The following GRIK4 variants were observed in gnomAD, a reference collection of about 807,000 sequenced individuals.
GRIK4 encodes the protein glutamate receptor ionotropic, kainate 4.
In GRIK4, 40 loss-of-function variants were observed where a neutral mutation model predicts 104.9. The ratio of observed to expected loss-of-function variants is 0.38; its 90% CI spans 0.30 to 0.50. GRIK4 has a LOEUF of 0.50. Among genes scored for constraint, GRIK4 ranks in the 20% least tolerant of loss-of-function variants. The probability of loss-of-function intolerance (pLI) is 0.93; values close to 1 mark genes in which losing one functional copy is unlikely to be tolerated. For synonymous variants in GRIK4, 485 were observed against 524.9 expected, an observed-to-expected ratio of 0.92 and a Z score of 1.04; for missense variants, 1,047 against 1,308.1, an observed-to-expected ratio of 0.80 and a Z score of 3.08.
At chr11:120,659,993 A>G (rs1047739765) in intron 2 of GRIK4, among the ~76,000 whole-genome samples, 3 of 152,152 alleles carry the variant, frequency 2.0e-5, no homozygotes, top group Non-Finnish European at 4.4e-5. Flanking sequence ...TGGCTTCCCA[A>G]AGTGCTGGGA....
intron 1 of GRIK4, among the ~76,000 whole-genome samples, chr11:120,613,543 G>A (rs1018763718): frequency 6.6e-6 from 1 of 152,346 alleles, no homozygotes; most frequent in East Asian, 1.9e-4. Context: ...AGCACACGGA[G>A]TGTGCATGTG....
intron 4 of GRIK4, among the ~76,000 whole-genome samples, chr11:120,809,255 A>G (rs1156657820): frequency 6.6e-6 from 1 of 152,124 alleles, no homozygotes; most frequent in Non-Finnish European, 1.5e-5. Flanking sequence ...AAGTCCCTCC[A>G]TGGGGCCACT....
At chr11:120,674,228 A>G (rs1002727032) in intron 3 of GRIK4, among the ~76,000 whole-genome samples, 7 of 152,078 alleles carry the variant, frequency 4.6e-5, no homozygotes, top group African/African-American at 4.8e-5. Context: ...TGATCCCCCA[A>G]ATCAGAAGCA....
chr11:120,721,939 T>G (rs1950940110), intron 3 of GRIK4, among the ~76,000 whole-genome samples: 1 of 152,212 alleles, frequency 6.6e-6, no homozygotes, highest in South Asian at 2.1e-4. Context: ...ATGTGAGGCA[T>G]GTTTTACATG....
intron 3 of GRIK4, among the ~76,000 whole-genome samples, chr11:120,725,685 C>G (rs1330910440): frequency 6.6e-6 from 1 of 151,870 alleles, no homozygotes; most frequent in Non-Finnish European, 1.5e-5. Flanking sequence ...TGAGGAATAA[C>G]TCAGATAAAA....
At chr11:120,930,745 G>A (rs1454706318) in intron 13 of GRIK4, among the ~76,000 whole-genome samples, 2 of 152,170 alleles carry the variant, frequency 1.3e-5, no homozygotes, top group African/African-American at 4.8e-5. Context: ...TTGATGTGGA[G>A]TAAATTTAAC....
intron 3 of GRIK4, among the ~76,000 whole-genome samples, chr11:120,745,409 G>A (rs1000961596): frequency 3.9e-5 from 6 of 152,276 alleles, no homozygotes; most frequent in South Asian, 2.1e-4. Context: ...ATCGTGAACA[G>A]CTTTCCATAT....
intron 1 of GRIK4, among the ~76,000 whole-genome samples, chr11:120,545,045 TGACTGAAGGCCTCACAGCTGGCCAGA>T (rs1948071885): frequency 6.6e-6 from 1 of 152,068 alleles, no homozygotes; most frequent in Admixed American, 6.5e-5. Context: ...CTTACGCAGC[TGACTGAAGGCCTCACAGCTGGCCAGA>T]GGCCAGCTGT....
intron 1 of GRIK4, among the ~76,000 whole-genome samples, chr11:120,632,079 A>C (rs933175770): frequency 3.3e-5 from 5 of 152,138 alleles, no homozygotes; most frequent in Admixed American, 6.5e-5. Flanking sequence ...CGTGTGTTGA[A>C]TCCTAGCCCC....
At chr11:120,928,793 G>A (rs185592590) in intron 13 of GRIK4, among the ~76,000 whole-genome samples, 8 of 152,240 alleles carry the variant, frequency 5.3e-5, no homozygotes, top group East Asian at 3.9e-4. Flanking sequence ...CTGTAACCTC[G>A]AGAAATAGCA....
chr11:120,655,193 A>G (rs1052660731), intron 2 of GRIK4, among the ~76,000 whole-genome samples: 3 of 151,850 alleles, frequency 2.0e-5, no homozygotes, highest in African/African-American at 4.8e-5. Context: ...ATGTTAGGGT[A>G]TGGTGGCAGC....
At chr11:120,934,078 G>A (rs992652819) in intron 13 of GRIK4, among the ~76,000 whole-genome samples, 4 of 151,940 alleles carry the variant, frequency 2.6e-5, no homozygotes, top group African/African-American at 4.8e-5. Flanking sequence ...GGTGGCGGGC[G>A]CCTGTAGTCC....
At chr11:120,525,726 G>A (rs528702437) in intron 1 of GRIK4, among the ~76,000 whole-genome samples, 5 of 152,342 alleles carry the variant, frequency 3.3e-5, no homozygotes, top group Admixed American at 3.3e-4. Flanking sequence ...AGGAAGTAGG[G>A]CTCTGGGGAG....
chr11:120,713,274 T>C (rs11217989), intron 3 of GRIK4, among the ~76,000 whole-genome samples: 40,696 of 152,202 alleles, frequency 0.27, 8,064 homozygotes, highest in African/African-American at 0.56. Context: ...TGCTGTTCAT[T>C]GGTTGTTTGG....
chr11:120,511,867 C>A lies in GRIK4; in HGVS notation c.-179C>A. The A allele has an allele frequency of 3.0e-6, 1 of 334,382 alleles. No homozygotes were observed. Among genetic ancestry groups the A allele is most frequent in the Non-Finnish European group, 6.1e-6 (1 of 163,486 alleles). The allele number at this position is 334,382 out of a possible 1,614,324, so 20.7% of individuals were successfully genotyped here. A position where few individuals can be genotyped will look rare whatever the true frequency, so the allele number is the denominator to read the frequency against. ...CAGCGCCCGGCCCCCGGCTCAGCCC[C>A]CGGAGTGCGGAGCCGACCAGGTAAG... On this transcript the variant is annotated 5_prime_UTR_variant, in exon 1 of 21. Transcript: ENST00000527524.
chr11:120,526,495 G>A (rs570536866), intron 1 of GRIK4, among the ~76,000 whole-genome samples: 2 of 152,232 alleles, frequency 1.3e-5, no homozygotes, highest in Non-Finnish European at 1.5e-5. Flanking sequence ...GCTGTGCCCA[G>A]CCATGTGCAC....
intron 1 of GRIK4, among the ~76,000 whole-genome samples, chr11:120,529,809 C>T (rs545157077): frequency 2.0e-5 from 3 of 152,342 alleles, no homozygotes; most frequent in South Asian, 4.1e-4. Flanking sequence ...AACAAAGGTG[C>T]TTTCACATCC....
At chr11:120,618,053 G>A (rs1949138424) in intron 1 of GRIK4, among the ~76,000 whole-genome samples, 1 of 152,180 alleles carries the variant, frequency 6.6e-6, no homozygotes, top group African/African-American at 2.4e-5. Context: ...ATTTCCTAGA[G>A]ACTTTTTGAA....
At chr11:120,957,141 C>A (rs1327263501) in intron 16 of GRIK4, among the ~76,000 whole-genome samples, 188 bp downstream of exon 16, 2 of 152,206 alleles carry the variant, frequency 1.3e-5, no homozygotes, top group Non-Finnish European at 2.9e-5. Flanking sequence ...TCTGTGCCAT[C>A]TGGTCCCCTT....
Sources: allele counts gnomAD v4.1 joint callset (sites outside exome capture counted in the v4.1 genomes callset), GRCh38; gene constraint gnomAD v4.1.1; transcripts MANE v1.5; gene names NCBI Gene and HGNC (gene_info 2026-07-23, HGNC 2026-07-21).